The following BBX variants were observed in gnomAD, a reference collection of about 807,000 sequenced individuals.
BBX encodes HMG box transcription factor BBX.
Under a neutral mutation model 100.2 loss-of-function variants are expected in BBX, and 30 were observed. The ratio of observed to expected loss-of-function variants is 0.30; its 90% CI spans 0.22 to 0.41. The LOEUF is 0.41. BBX is among the 10% of genes least tolerant of loss of function. BBX has a pLI of 1.00. For synonymous variants in BBX, 376 were observed against 388.1 expected (o/e 0.97, Z 0.37); for missense variants, 1,023 against 1,129.8 (o/e 0.91, Z 1.35).
rs192193445 is a variant in BBX at position 107,806,237 on chromosome 3, C to T, written c.*780C>T. 2.0e-5 allele frequency: 3 copies of T among 152,132 alleles called. No homozygotes were observed. The highest frequency in any genetic ancestry group is 4.4e-5 in the Non-Finnish European group (3 of 68,004). 9.4% of individuals were successfully genotyped at this position (152,132 alleles called of 1,614,324 possible). A position where few individuals can be genotyped will look rare whatever the true frequency, so the allele number is the denominator to read the frequency against. ...AAATTGTGGCAAATATTTTCCCAGACAGGGGAAGAGTCCTGCAGATTACAG... is the reference window on the plus strand; with the variant it reads ...AAATTGTGGCAAATATTTTCCCAGATAGGGGAAGAGTCCTGCAGATTACAG... On this transcript the variant is annotated 3_prime_UTR_variant, in exon 18 of 18. Coordinates refer to ENST00000325805, the MANE Select transcript of BBX (RefSeq NM_001142568.3).
chr3:107,608,424 A>G (rs1414908052), intron 2 of BBX, among the ~76,000 whole-genome samples: 1 of 151,836 alleles, frequency 6.6e-6, no homozygotes, highest in South Asian at 2.1e-4. Flanking sequence ...TTCTATGTCT[A>G]TGTGTTTGTT....
chr3:107,648,117 C>T (rs1169650709), intron 3 of BBX, among the ~76,000 whole-genome samples: 1 of 152,230 alleles, frequency 6.6e-6, no homozygotes, highest in East Asian at 1.9e-4. Context: ...TTTTTAGAGA[C>T]AGAATGCACA....
intron 2 of BBX, among the ~76,000 whole-genome samples, chr3:107,623,970 T>C (rs1331254468): frequency 2.6e-5 from 4 of 152,242 alleles, no homozygotes; most frequent in Non-Finnish European, 5.9e-5. Context: ...AAAACTCAAA[T>C]GTGGCAGAAT....
intron 5 of BBX, 145 bp downstream of exon 5, chr3:107,716,994 C>G: frequency 2.9e-6 from 3 of 1,034,862 alleles, no homozygotes; most frequent in South Asian, 1.7e-5. Flanking sequence ...TAACCGCTTT[C>G]TTTGTATGAC....
chr3:107,661,708 A>G (rs1206741152), intron 3 of BBX: 3 of 213,456 alleles, frequency 1.4e-5, no homozygotes, highest in East Asian at 1.9e-4. Context: ...TAATCTCTCC[A>G]TTAACTTCTG....
intron 10 of BBX, among the ~76,000 whole-genome samples, chr3:107,768,543 T>C (rs964136368): frequency 2.6e-5 from 4 of 152,194 alleles, no homozygotes; most frequent in African/African-American, 9.7e-5. Context: ...TTATTTAATG[T>C]GTGTATAATA....
intron 13 of BBX, among the ~76,000 whole-genome samples, chr3:107,785,498 A>G (rs550095309): frequency 6.6e-6 from 1 of 152,164 alleles, no homozygotes; most frequent in African/African-American, 2.4e-5. Context: ...ATGGGATTTT[A>G]CCTCATGACT....
intron 2 of BBX, among the ~76,000 whole-genome samples, chr3:107,603,806 A>G (rs912929295): frequency 1.3e-5 from 2 of 152,172 alleles, no homozygotes; most frequent in Non-Finnish European, 2.9e-5. Flanking sequence ...CTCACTGATG[A>G]TCACTAGCGT....
intron 2 of BBX, among the ~76,000 whole-genome samples, chr3:107,577,373 C>T (rs1231770438): frequency 2.0e-5 from 3 of 151,808 alleles, no homozygotes; most frequent in Admixed American, 2.0e-4. Context: ...TTAAATTTGT[C>T]GAAAGAACAT....
intron 2 of BBX, among the ~76,000 whole-genome samples, chr3:107,566,732 C>G (rs1435471779): frequency 6.6e-6 from 1 of 151,920 alleles, no homozygotes; most frequent in African/African-American, 2.4e-5. Context: ...GTTGTTCTTA[C>G]TGTTCTTTTC....
At chr3:107,755,824 T>A in intron 10 of BBX, 146 bp downstream of exon 10, 1 of 733,970 alleles carries the variant, frequency 1.4e-6, no homozygotes, top group Non-Finnish European at 2.2e-6. Flanking sequence ...GGTTAACCTT[T>A]AATTTGGGAA....
chr3:107,708,982 A>G (rs2061554972), intron 3 of BBX, among the ~76,000 whole-genome samples: 2 of 152,180 alleles, frequency 1.3e-5, no homozygotes, highest in African/African-American at 4.8e-5. Context: ...AAATTGGTCA[A>G]AGGATAGGCA....
chr3:107,688,059 A>T (rs1224268091), intron 3 of BBX, among the ~76,000 whole-genome samples: 1 of 152,228 alleles, frequency 6.6e-6, no homozygotes, highest in African/African-American at 2.4e-5. Context: ...ATCTGAAAAA[A>T]AAAGAAGAAA....
At chr3:107,800,027 C>A (rs1421823769) in intron 16 of BBX, among the ~76,000 whole-genome samples, 1 of 152,052 alleles carries the variant, frequency 6.6e-6, no homozygotes, top group East Asian at 1.9e-4. Context: ...AGTTAGAGGA[C>A]AGTTTATGAA....
chr3:107,663,360 A>G (rs1367692448), intron 3 of BBX, among the ~76,000 whole-genome samples: 2 of 152,196 alleles, frequency 1.3e-5, no homozygotes, highest in South Asian at 4.1e-4. Flanking sequence ...CTACACAAAA[A>G]TATTTATACT....
At chr3:107,630,779 A>G (rs1274073710) in intron 2 of BBX, among the ~76,000 whole-genome samples, 1 of 152,204 alleles carries the variant, frequency 6.6e-6, no homozygotes, top group Non-Finnish European at 1.5e-5. Context: ...CTTGAGGATT[A>G]GCTTGCCCAG....
intron 8 of BBX, among the ~76,000 whole-genome samples, chr3:107,746,845 A>G (rs1257213750): frequency 1.3e-5 from 2 of 152,108 alleles, no homozygotes; most frequent in African/African-American, 4.8e-5. Flanking sequence ...AAAACGAAAA[A>G]GCAGTTTTTG....
intron 3 of BBX, among the ~76,000 whole-genome samples, chr3:107,652,911 G>T (rs1168193625): frequency 6.6e-6 from 1 of 152,114 alleles, no homozygotes; most frequent in Non-Finnish European, 1.5e-5. Flanking sequence ...TACAGGACTT[G>T]TTTATGCTAG....
intron 2 of BBX, among the ~76,000 whole-genome samples, chr3:107,578,793 G>T (rs1416461960): frequency 2.0e-5 from 3 of 152,070 alleles, no homozygotes; most frequent in Non-Finnish European, 4.4e-5. Flanking sequence ...AGTTCTTCCT[G>T]CTCCCTGGGC....
Sources: allele counts gnomAD v4.1 joint callset (sites outside exome capture counted in the v4.1 genomes callset), GRCh38; gene constraint gnomAD v4.1.1; transcripts MANE v1.5; gene names NCBI Gene and HGNC (gene_info 2026-07-23, HGNC 2026-07-21).